CA8: variants seen among roughly 807,000 people sequenced by gnomAD.
The protein encoded by CA8 is carbonic anhydrase-related protein.
CA8 carries 22 observed loss-of-function variants against 41.4 expected under a neutral mutation model. The observed-to-expected ratio is 0.53, with a 90% confidence interval of 0.38 to 0.76. The LOEUF (loss-of-function observed/expected upper bound fraction) is 0.76. Ranked by LOEUF, CA8 falls within the 30% of genes least tolerant of loss-of-function variation. The probability of loss-of-function intolerance (pLI) is 0.00; values close to 1 mark genes in which losing one functional copy is unlikely to be tolerated. For missense variants in CA8, 270 were observed against 352.8 expected (o/e 0.77, Z 1.88); for synonymous variants, 121 against 130.6 (o/e 0.93, Z 0.50).
intron 3 of CA8, among the ~76,000 whole-genome samples, chr8:60,243,811 G>A (rs181707406): frequency 2.8e-4 from 42 of 152,158 alleles, no homozygotes; most frequent in Admixed American, 1.4e-3. Context: ...CAGTTCCATC[G>A]CAGGCTCCAT....
intron 7 of CA8, among the ~76,000 whole-genome samples, chr8:60,209,875 T>G (rs75442227): frequency 0.016 from 2,483 of 152,290 alleles, 78 homozygotes; most frequent in African/African-American, 0.056. Flanking sequence ...ACATTGCCCA[T>G]CAGCCACCCT....
At chr8:60,205,559 A>G (rs1806550192) in intron 8 of CA8, among the ~76,000 whole-genome samples, 1 of 152,198 alleles carries the variant, frequency 6.6e-6, no homozygotes, top group Admixed American at 6.5e-5. Context: ...TTTAATATCA[A>G]TAGGCACCCA....
intron 3 of CA8, among the ~76,000 whole-genome samples, chr8:60,241,623 G>C (rs7007157): frequency 0.47 from 72,013 of 151,866 alleles, 19,912 homozygotes; most frequent in African/African-American, 0.78. Context: ...TGCAGTCATA[G>C]ATCAAAGAAA....
At chr8:60,244,699 A>G (rs1341162529) in intron 3 of CA8, among the ~76,000 whole-genome samples, 1 of 152,228 alleles carries the variant, frequency 6.6e-6, no homozygotes, top group Non-Finnish European at 1.5e-5. Context: ...TTTAAATCCA[A>G]TTACAATTCA....
rs115670421 is a variant in CA8, at chr8:60,220,391, A to G, written c.738+2258T>C. On this transcript the variant is annotated intron_variant, in intron 7 of 8. Coordinates refer to ENST00000317995, the MANE Select transcript of CA8 (RefSeq NM_004056.6). ...TAGGGAAAACATTAGGTACCAGAGG[A>G]CATGAACAAGCTGAGATCCAGAATT... Among the ~76,000 whole-genome samples, 915 of 152,294 alleles carry G rather than the reference A, an allele frequency of 6.0e-3. 10 individuals carry two copies. Among genetic ancestry groups the G allele is most frequent in the African/African-American group, 0.02 (847 of 41,554 alleles).
At chr8:60,275,228 C>G (rs1804193608) in intron 2 of CA8, among the ~76,000 whole-genome samples, 1 of 152,194 alleles carries the variant, frequency 6.6e-6, no homozygotes, top group South Asian at 2.1e-4. Flanking sequence ...CCCTCAATCC[C>G]TGCCCAGGTG....
intron 8 of CA8, among the ~76,000 whole-genome samples, chr8:60,196,869 A>G (rs1179345106): frequency 1.3e-5 from 2 of 152,174 alleles, no homozygotes; most frequent in African/African-American, 4.8e-5. Flanking sequence ...ATATACACTA[A>G]TGCCACATAC....
intron 3 of CA8, among the ~76,000 whole-genome samples, chr8:60,258,299 C>T (rs1438913231): frequency 1.3e-5 from 2 of 152,212 alleles, no homozygotes; most frequent in Non-Finnish European, 2.9e-5. Context: ...TCGTTAATCT[C>T]TTACTGTGCC....
chr8:60,205,320 C>T (rs544277757), intron 8 of CA8, among the ~76,000 whole-genome samples: 17 of 152,154 alleles, frequency 1.1e-4, no homozygotes, highest in South Asian at 4.1e-4. Context: ...AGGTCACAAG[C>T]GAGACAGTCT....
At chr8:60,277,962 T>C (rs887152566) in intron 2 of CA8, among the ~76,000 whole-genome samples, 2 of 152,056 alleles carry the variant, frequency 1.3e-5, no homozygotes, top group Non-Finnish European at 1.5e-5. Context: ...AAATCAGGCC[T>C]AGACAGAAGT....
intron 3 of CA8, chr8:60,265,181 T>A (rs1658018458): frequency 6.6e-6 from 1 of 152,172 alleles, no homozygotes; most frequent in African/African-American, 2.4e-5. Flanking sequence ...GGGCAAATGA[T>A]GGGAGTAAAA....
chr8:60,196,248 A>G (rs1259708195), intron 8 of CA8, among the ~76,000 whole-genome samples: 1 of 152,200 alleles, frequency 6.6e-6, no homozygotes, highest in Non-Finnish European at 1.5e-5. Flanking sequence ...CAAAATCTAT[A>G]ATGATAATAA....
intron 3 of CA8, among the ~76,000 whole-genome samples, chr8:60,248,975 C>T (rs1808349346): frequency 6.6e-6 from 1 of 152,172 alleles, no homozygotes; most frequent in African/African-American, 2.4e-5. Context: ...AGGCCCTTCA[C>T]TTCCCTTGTT....
At chr8:60,206,090 G>A (rs1274775058) in intron 8 of CA8, among the ~76,000 whole-genome samples, 2 of 152,066 alleles carry the variant, frequency 1.3e-5, no homozygotes, top group South Asian at 4.1e-4. Flanking sequence ...CAAGATAAAA[G>A]TATTCATAAA....
chr8:60,201,352 C>T (rs1030675106), intron 8 of CA8, among the ~76,000 whole-genome samples: 22 of 152,302 alleles, frequency 1.4e-4, no homozygotes, highest in Non-Finnish European at 1.9e-4. Flanking sequence ...AGTTCACCTA[C>T]AGAGACAGCC....
At chr8:60,248,827 T>C (rs1035354237) in intron 3 of CA8, among the ~76,000 whole-genome samples, 1 of 152,176 alleles carries the variant, frequency 6.6e-6, no homozygotes, top group Admixed American at 6.5e-5. Flanking sequence ...ATTATATATA[T>C]AATGCTATAT....
chr8:60,225,333 T>C (rs1807395173), intron 5 of CA8, among the ~76,000 whole-genome samples: 1 of 152,144 alleles, frequency 6.6e-6, no homozygotes, highest in Non-Finnish European at 1.5e-5. Context: ...AGTTATTGCA[T>C]AACCTCCAAG....
intron 3 of CA8, among the ~76,000 whole-genome samples, chr8:60,256,849 A>G (rs897559674): frequency 2.6e-5 from 4 of 152,248 alleles, no homozygotes; most frequent in Non-Finnish European, 4.4e-5. Flanking sequence ...TAGACTTATA[A>G]AAATACAATA....
rs1340528406 is a variant in CA8, at chr8:60,232,922, T to C, written c.418-543A>G. ...GCCACGGTAAAATAATAAATGCTGA[T>C]GTAAATCTCTAAAAGAAGGCGATTT... On this transcript the variant is annotated intron_variant, in intron 3 of 8. Coordinates refer to ENST00000317995, the MANE Select transcript of CA8 (RefSeq NM_004056.6). Among the ~76,000 whole-genome samples the C allele has an allele frequency of 3.9e-5, 6 of 152,150 alleles. 1 individual carries two copies. The South Asian group carries it at 1.2e-3, about 31-fold the overall frequency.
Sources: gnomAD v4.1 joint callset for allele counts (sites outside exome capture counted in the v4.1 genomes callset) on GRCh38, gnomAD v4.1.1 for gene constraint, MANE v1.5 for transcripts, NCBI Gene and HGNC (gene_info 2026-07-23, HGNC 2026-07-21) for gene names.